Variants in PNPLA1 observed in about 807,000 individuals in gnomAD.
The protein encoded by PNPLA1 is patatin like domain 1, omega-hydroxyceramide transacylase.
PNPLA1 carries 36 observed loss-of-function variants against 51.7 expected under a neutral mutation model. The ratio of observed to expected loss-of-function variants is 0.70; its 90% CI spans 0.53 to 0.92. The LOEUF is 0.92. Ranked by LOEUF, PNPLA1 falls within the 40% of genes least tolerant of loss-of-function variation. PNPLA1 has a pLI of 0.00. For missense variants in PNPLA1, 658 were observed against 682.5 expected (o/e 0.96, Z 0.40); for synonymous variants, 293 against 280.1 (o/e 1.05, Z -0.46).
chr6:36,249,574 G>C (rs1320812785), intron 1 of PNPLA1, among the ~76,000 whole-genome samples: 1 of 152,192 alleles, frequency 6.6e-6, no homozygotes, highest in East Asian at 1.9e-4. Context: ...CTCTGACTTA[G>C]GGTTGTGGTG....
chr6:36,292,563 C>T (rs1335422928), intron 2 of PNPLA1, among the ~76,000 whole-genome samples: 6 of 152,296 alleles, frequency 3.9e-5, no homozygotes, highest in Admixed American at 3.3e-4. Flanking sequence ...TGCCAGGGCA[C>T]TTCCCTTCAT....
intron 1 of PNPLA1, among the ~76,000 whole-genome samples, chr6:36,272,955 G>A (rs1488469393): frequency 6.6e-6 from 1 of 152,176 alleles, no homozygotes; most frequent in Non-Finnish European, 1.5e-5. Context: ...AGTGTATAGA[G>A]TAAAAGTAGA....
At chr6:36,310,642 A>T (rs1336656730) in intron 8 of PNPLA1, among the ~76,000 whole-genome samples, 3 of 152,190 alleles carry the variant, frequency 2.0e-5, no homozygotes, top group Non-Finnish European at 4.4e-5. Context: ...AACATGCCCG[A>T]AGCTACACAG....
chr6:36,294,229 G>A lies in PNPLA1; in HGVS notation c.544G>A (p.Ala182Thr), dbSNP rs779068196. 6.2e-7 allele frequency: 1 copy of A among 1,614,204 alleles called. No individual in the cohort carries two copies. The highest frequency in any genetic ancestry group is 8.5e-7 in the Non-Finnish European group (1 of 1,180,040). ...DGGFTGMQPCAFWTDAITIST... is the reference protein window; with the variant it reads ...DGGFTGMQPCTFWTDAITIST... ...GGGCTTCACGGGCATGCAGCCCTGTGCCTTCTGGACCGACGCCATCACCAT... is the reference window on the plus strand; with the variant it reads ...GGGCTTCACGGGCATGCAGCCCTGTACCTTCTGGACCGACGCCATCACCAT... Residue 182 changes from alanine (A) to threonine (T), a missense_variant, in exon 4 of 9, where the codon GCC becomes ACC. Ala to Thr is a moderately conservative substitution (Grantham distance 58). Coordinates refer to ENST00000636260, the MANE Select transcript of PNPLA1 (RefSeq NM_001374623.1). The surrounding 1 kb of genome is among the most constrained non-coding windows in gnomAD (Gnocchi z 4.2).
At chr6:36,287,430 A>G (rs1487087458) in intron 1 of PNPLA1, among the ~76,000 whole-genome samples, 3 of 152,312 alleles carry the variant, frequency 2.0e-5, no homozygotes, top group African/African-American at 7.2e-5. Flanking sequence ...TACCCTGATC[A>G]GGACACATTG....
At chr6:36,301,354 G>A (rs1167242647) in intron 5 of PNPLA1, among the ~76,000 whole-genome samples, 1 of 152,066 alleles carries the variant, frequency 6.6e-6, no homozygotes, top group Non-Finnish European at 1.5e-5. Flanking sequence ...GATCCTAGCT[G>A]CTGCCTACAG....
At chr6:36,246,586 G>A (rs1769289999) in intron 1 of PNPLA1, among the ~76,000 whole-genome samples, 3 of 152,124 alleles carry the variant, frequency 2.0e-5, no homozygotes, top group Admixed American at 6.5e-5. Context: ...TATAATTCAA[G>A]CCTCTGCTGA....
In PNPLA1 at chr6:36,294,496, C is replaced by A; in HGVS notation, c.714+97C>A. ...GGGCCCACTCAAGTTCCATCTGAGT[C>A]TCCTCCCCTCAAATGGTCCTTTAAA... is the stretch of plus-strand genomic sequence containing the variant. On this transcript the variant is annotated intron_variant, in intron 4 of 8. Transcript: ENST00000636260. This position sits in a 1 kb window ranked among gnomAD's most constrained non-coding sequence, Gnocchi z 4.2. The A allele has an allele frequency of 1.8e-6, 2 of 1,141,900 alleles. No individual in the cohort carries two copies. Among genetic ancestry groups the A allele is most frequent in the Non-Finnish European group, 2.6e-6 (2 of 783,076 alleles). 70.7% of individuals were successfully genotyped at this position (1,141,900 alleles called of 1,614,324 possible).
At chr6:36,286,647 G>A (rs369818019) in intron 1 of PNPLA1, among the ~76,000 whole-genome samples, 1 of 152,070 alleles carries the variant, frequency 6.6e-6, no homozygotes, top group Non-Finnish European at 1.5e-5. Flanking sequence ...GCTTCCAAGT[G>A]CCGTTCAAAA....
chr6:36,266,655 G>A (rs1183307386), upstream of PNPLA1, among the ~76,000 whole-genome samples: 1 of 152,184 alleles, frequency 6.6e-6, no homozygotes, highest in Non-Finnish European at 1.5e-5. Flanking sequence ...AGGGAGGTGG[G>A]CAAGGAGTAA....
At position 36,313,022 on chromosome 6, in the gene PNPLA1, C is replaced by T. The variant is rs773981831; in HGVS notation, c.*1136C>T. On this transcript the variant is annotated 3_prime_UTR_variant, in exon 9 of 9. Coordinates refer to ENST00000636260, the MANE Select transcript of PNPLA1 (RefSeq NM_001374623.1). ...GTTTTTAATTCTTACAGTGTACTAA[C>T]GGCTTGGCCTGAGCTGGTCACTGGA... 1.4e-4 allele frequency among the ~76,000 whole-genome samples: 22 copies of T among 152,138 alleles called. No homozygotes were observed. The highest frequency in any genetic ancestry group is 5.1e-4 in the African/African-American group (21 of 41,406).
chr6:36,248,835 C>T (rs771620571), intron 1 of PNPLA1, among the ~76,000 whole-genome samples: 56 of 152,108 alleles, frequency 3.7e-4, no homozygotes, highest in Non-Finnish European at 7.8e-4. Context: ...TCAATTTAAG[C>T]AAACGTCCCC....
At chr6:36,255,832 T>C (rs1348957577) in intron 1 of PNPLA1, among the ~76,000 whole-genome samples, 2 of 152,244 alleles carry the variant, frequency 1.3e-5, no homozygotes, top group African/African-American at 4.8e-5. Context: ...TATTGCAGTT[T>C]ATAGTTTACA....
chr6:36,292,983 G>A (rs1054535383), intron 2 of PNPLA1, 78 bp from the exon 3 acceptor site: 11 of 1,278,702 alleles, frequency 8.6e-6, no homozygotes, highest in African/African-American at 1.5e-5. Context: ...GGTGGTGGGT[G>A]GCCCAGGGGC....
At chr6:36,244,490 T>C (rs1426069112) in intron 1 of PNPLA1, among the ~76,000 whole-genome samples, 1 of 152,164 alleles carries the variant, frequency 6.6e-6, no homozygotes, top group African/African-American at 2.4e-5. Context: ...CTTTATTATC[T>C]GCATACTCAA....
rs568796816 is a variant in PNPLA1, at chr6:36,288,737, C to T, written c.206-2583C>T. On this transcript the variant is annotated intron_variant, in intron 1 of 8. Transcript: ENST00000636260. ...CCTCCCAAAGTGCTGGGATTACAGG[C>T]GTGAGCCACCATGCCCGGCTGGAGA... Among the ~76,000 whole-genome samples, 9 of 151,898 alleles carry T rather than the reference C, an allele frequency of 5.9e-5. No individual in the cohort carries two copies. The East Asian group carries it at 1.8e-3, about 30-fold the overall frequency.
At chr6:36,303,810 C>T (rs1316116707) in intron 6 of PNPLA1, among the ~76,000 whole-genome samples, 5 of 152,168 alleles carry the variant, frequency 3.3e-5, no homozygotes, top group African/African-American at 1.2e-4. Flanking sequence ...CCAGCCTGGG[C>T]AACAAGAGTG....
At chr6:36,292,964 G>T in intron 2 of PNPLA1, 97 bp from the exon 3 acceptor site, 2 of 1,050,492 alleles carry the variant, frequency 1.9e-6, no homozygotes, top group Non-Finnish European at 2.8e-6. Flanking sequence ...ATTTAAGGAG[G>T]TCTGGGCTGG....
intron 6 of PNPLA1, among the ~76,000 whole-genome samples, chr6:36,303,261 AT>A (rs879410516): frequency 6.6e-6 from 1 of 151,958 alleles, no homozygotes; most frequent in African/African-American, 2.4e-5. Context: ...CGCCTGGCTA[AT>A]TTTTTGTATT....
Sources: gnomAD v4.1 joint callset for allele counts (sites outside exome capture counted in the v4.1 genomes callset) on GRCh38, gnomAD v4.1.1 for gene constraint, Gnocchi (gnomAD v3.1) non-coding constraint, MANE v1.5 for transcripts, NCBI Gene and HGNC (gene_info 2026-07-23, HGNC 2026-07-21) for gene names.